Variants in NCOR2 observed in about 807,000 individuals in gnomAD.
NCOR2 encodes nuclear receptor corepressor 2.
Under a neutral mutation model 262.9 loss-of-function variants are expected in NCOR2, and 81 were observed. The observed-to-expected ratio is 0.31, with a 90% CI of 0.26 to 0.37. The LOEUF is 0.37. Ranked by LOEUF, NCOR2 falls within the 10% of genes least tolerant of loss-of-function variation. The pLI is 1.00. For missense variants in NCOR2, 3,385 were observed against 3,621.4 expected, an observed-to-expected ratio of 0.93 and a Z score of 1.68; for synonymous variants, 1,659 against 1,559.3, an observed-to-expected ratio of 1.06 and a Z score of -1.51.
exon 14 of NCOR2, chr12:124,402,472 C>T: frequency 6.2e-7 from 1 of 1,613,016 alleles, no homozygotes; most frequent in Non-Finnish European, 8.5e-7. Context: ...CCTTTTCCTT[C>T]TCCTTCTCAT....
In NCOR2 at chr12:124,408,285, C is replaced by T. The variant is rs961094929; in HGVS notation, c.1483-5724G>A. ...AGGAGAATGGTGTGAACCCGGGAGG[C>T]GGAGCTTGCAGTGAGCCAAGATCGC... On this transcript the variant is annotated intron_variant, in intron 13 of 46. Transcript: ENST00000405201. Among the ~76,000 whole-genome samples, 4 of 151,526 alleles carry T rather than the reference C, an allele frequency of 2.6e-5. No homozygotes were observed. The South Asian group carries it at 6.3e-4, about 24-fold the overall frequency.
At chr12:124,388,818 G>C (rs1459932771) in intron 16 of NCOR2, 3 of 1,295,832 alleles carry the variant, frequency 2.3e-6, no homozygotes, top group South Asian at 1.2e-5. Context: ...GCTGGTTGGC[G>C]TCTGCTGGCG....
intron 16 of NCOR2, among the ~76,000 whole-genome samples, chr12:124,396,748 G>A (rs1244084): frequency 0.6 from 91,898 of 151,908 alleles, 28,965 homozygotes; most frequent in Non-Finnish European, 0.68. Flanking sequence ...GGCGGGGGCT[G>A]TGGGGGTCTT....
intron 9 of NCOR2, among the ~76,000 whole-genome samples, chr12:124,430,288 A>G (rs2043840794): frequency 6.6e-6 from 1 of 152,164 alleles, no homozygotes. Flanking sequence ...TCTCTTAGCC[A>G]CGTCTCTCCC....
chr12:124,336,953 G>C, exon 38 of NCOR2: 4 of 1,538,418 alleles, frequency 2.6e-6, no homozygotes, highest in Non-Finnish European at 2.6e-6. Flanking sequence ...GCCCTTGCTG[G>C]GGGAGGAGGC....
rs1251374155 is a variant in NCOR2 at position 124,457,801 on chromosome 12, C to T, written c.706-639G>A. Among the ~76,000 whole-genome samples the T allele has an allele frequency of 6.6e-6, 1 of 152,182 alleles. No homozygotes were observed. Among genetic ancestry groups the T allele is most frequent in the African/African-American group, 2.4e-5 (1 of 41,440 alleles). On this transcript the variant is annotated intron_variant, in intron 5 of 46. Coordinates refer to ENST00000405201, the Ensembl canonical transcript of NCOR2. The surrounding 1 kb of genome is among the most constrained non-coding windows in gnomAD (Gnocchi z 4.0). The stretch of plus-strand genomic sequence containing the variant: ...CATCAATAGGCTGGACCTCCGGGCC[C>T]CCACCCCGGCCCTCGGTGTGAAGGC...
At chr12:124,530,686 C>T (rs543213261) in intron 1 of NCOR2, among the ~76,000 whole-genome samples, 1 of 152,310 alleles carries the variant, frequency 6.6e-6, no homozygotes, top group South Asian at 2.1e-4. Context: ...GGGCACTGTG[C>T]CCCTTAGGGC....
At chr12:124,445,772 C>T (rs1448684644) in intron 7 of NCOR2, among the ~76,000 whole-genome samples, 2 of 152,248 alleles carry the variant, frequency 1.3e-5, no homozygotes, top group Non-Finnish European at 2.9e-5. Flanking sequence ...CTCCTAGAGG[C>T]CCAGAACAGT....
rs1171427167 is a variant in NCOR2 at position 124,503,529 on chromosome 12, ATGAAT to A, written c.-117-8166_-117-8162del. Among the ~76,000 whole-genome samples, 1 of 144,928 alleles carries A rather than the reference ATGAAT, an allele frequency of 6.9e-6. No homozygotes were observed. Among genetic ancestry groups the A allele is most frequent in the African/African-American group, 2.8e-5 (1 of 36,076 alleles). Reference sequence around the variant, plus strand: ...GGATGGATGGACAGAGGATGGACAGATGAATGGATGGATGGATGGACGAATGGATG... The same window carrying A: ...GGATGGATGGACAGAGGATGGACAGAGGATGGATGGATGGACGAATGGATG... On this transcript the variant is annotated intron_variant, in intron 1 of 46. Transcript: ENST00000404621. This position sits in a 1 kb window ranked among gnomAD's most constrained non-coding sequence, Gnocchi z 4.3.
Position 124,370,818 on chromosome 12 carries a change from C to T in NCOR2, c.2807+1204G>A, listed in dbSNP as rs561114135. Among the ~76,000 whole-genome samples, 166 of 152,238 alleles carry T rather than the reference C, an allele frequency of 1.1e-3. 1 individual carries two copies. The highest frequency in any genetic ancestry group is 6.8e-3 in the Middle Eastern group (2 of 294). ...AACACACCTCAGAGACATCAACACCCAAACAGGACGACACTGGGGTCCTCC... is the reference window on the plus strand; with the variant it reads ...AACACACCTCAGAGACATCAACACCTAAACAGGACGACACTGGGGTCCTCC... On this transcript the variant is annotated intron_variant, in intron 20 of 46. Transcript: ENST00000405201.
At chr12:124,335,413 C>G (rs2135779699) in intron 39 of NCOR2, 70 bp downstream of exon 41, 4 of 1,544,390 alleles carry the variant, frequency 2.6e-6, no homozygotes, top group Non-Finnish European at 2.6e-6. Context: ...GTTTTCCTAT[C>G]TGCATGATGG....
At chr12:124,533,053 C>G (rs1018368278) in intron 1 of NCOR2, among the ~76,000 whole-genome samples, 1 of 144,148 alleles carries the variant, frequency 6.9e-6, no homozygotes, top group Non-Finnish European at 1.5e-5. Flanking sequence ...CCTCCTCCCC[C>G]ACCCCAGTCC....
Position 124,429,774 on chromosome 12 carries a change from G to A in NCOR2, c.1056-68C>T, listed in dbSNP as rs1024168169. The A allele has an allele frequency of 1.0e-4, 144 of 1,430,752 alleles. No individual in the cohort carries two copies. The African/African-American group carries it at 1.1e-3, about 10-fold the overall frequency. 88.6% of individuals were successfully genotyped at this position (1,430,752 alleles called of 1,614,324 possible). ...TCGGGGACACTAGCAGACCCCTGTGGCGCAGCCCTGAGCCCACGCCCTCCC... is the reference window on the plus strand; with the variant it reads ...TCGGGGACACTAGCAGACCCCTGTGACGCAGCCCTGAGCCCACGCCCTCCC... On this transcript the variant is annotated intron_variant, in intron 9 of 46. Coordinates refer to ENST00000405201, the Ensembl canonical transcript of NCOR2.
intron 15 of NCOR2, among the ~76,000 whole-genome samples, chr12:124,399,393 G>A (rs754336142): frequency 6.6e-6 from 1 of 152,148 alleles, no homozygotes; most frequent in Admixed American, 6.5e-5. Context: ...CCTTGGGTCC[G>A]AGAGGACTAT....
At chr12:124,365,039 G>A (rs2038916432) in intron 20 of NCOR2, among the ~76,000 whole-genome samples, 1 of 151,946 alleles carries the variant, frequency 6.6e-6, no homozygotes, top group Non-Finnish European at 1.5e-5. Flanking sequence ...GGCCTGGCCT[G>A]CGTTTGCAGG....
Position 124,483,483 on chromosome 12 carries a change from C to T in NCOR2, c.411+113G>A. 1.6e-6 allele frequency: 2 copies of T among 1,214,610 alleles called. No homozygotes were observed. Among genetic ancestry groups the T allele is most frequent in the Non-Finnish European group, 2.2e-6 (2 of 903,488 alleles). The allele number at this position is 1,214,610 out of a possible 1,614,324, so 75.2% of individuals were successfully genotyped here. A position where few individuals can be genotyped will look rare whatever the true frequency, so the allele number is the denominator to read the frequency against. The stretch of plus-strand genomic sequence containing the variant: ...ACCCGGTGCTTGGCCCACCTCCAAG[C>T]CTTTGCCCGAGCTGCCCCCTCCCTG... On this transcript the variant is annotated intron_variant, in intron 3 of 46. Transcript: ENST00000405201. This position sits in a 1 kb window ranked among gnomAD's most constrained non-coding sequence, Gnocchi z 6.3.
chr12:124,543,077 T>G lies in NCOR2; in HGVS notation c.-164-7466A>C, dbSNP rs576934789. On this transcript the variant is annotated intron_variant, in intron 1 of 32. Coordinates refer to the NCOR2 transcript ENST00000458234. The stretch of plus-strand genomic sequence containing the variant: ...AGATGGGGGTCACAGCCTCTCTCCC[T>G]CCCATCCCTCCTCCACCAGCTAGGG... 5.6e-3 allele frequency among the ~76,000 whole-genome samples: 851 copies of G among 152,108 alleles called. 6 individuals carry two copies. The highest frequency in any genetic ancestry group is 0.019 in the African/African-American group (806 of 41,500).
At chr12:124,374,377 G>A (rs772593234) in intron 19 of NCOR2, 36 bp downstream of exon 21, 12 of 1,606,988 alleles carry the variant, frequency 7.5e-6, no homozygotes, top group Middle Eastern at 1.7e-4. Flanking sequence ...GCCCCGGCCC[G>A]GCCCTACCCC....
rs118024502 is a variant in NCOR2 at position 124,426,999 on chromosome 12, G to A, written c.1150-199C>T. 7.2e-5 allele frequency among the ~76,000 whole-genome samples: 11 copies of A among 152,314 alleles called. No homozygotes were observed. In the East Asian group the frequency reaches 7.7e-4, roughly 11 times the overall value. ...GAAGGGAGAATGTAAAGGCCTCCCC[G>A]ACAGGTTTATGGTGGGCAGGACTGT... On this transcript the variant is annotated intron_variant, in intron 10 of 46. Transcript: ENST00000405201.
Sources: allele counts gnomAD v4.1 joint callset (sites outside exome capture counted in the v4.1 genomes callset), GRCh38; gene constraint gnomAD v4.1.1; non-coding constraint Gnocchi (gnomAD v3.1); transcripts MANE v1.5; gene names NCBI Gene and HGNC (gene_info 2026-07-23, HGNC 2026-07-21).